The following CHCHD3 variants were observed in gnomAD, a reference collection of about 807,000 sequenced individuals.
CHCHD3 encodes the protein MICOS complex subunit MIC19.
Under a neutral mutation model 38.2 loss-of-function variants are expected in CHCHD3, and 20 were observed. The ratio of observed to expected loss-of-function variants is 0.52; its 90% CI spans 0.37 to 0.76. The LOEUF (loss-of-function observed/expected upper bound fraction) is 0.76, where lower values mean the gene tolerates loss of function less well. Ranked by LOEUF, CHCHD3 falls within the 30% of genes least tolerant of loss-of-function variation. The pLI, the probability that CHCHD3 is intolerant of heterozygous loss-of-function variation, is 0.00. For missense variants in CHCHD3, 245 were observed against 279.2 expected (o/e 0.88, Z 0.87); for synonymous variants, 82 against 100.0 (o/e 0.82, Z 1.07).
intron 2 of CHCHD3, among the ~76,000 whole-genome samples, chr7:133,027,497 G>C (rs1404078542): frequency 2.0e-5 from 3 of 151,904 alleles, no homozygotes; most frequent in Non-Finnish European, 2.9e-5. Context: ...ACTATACAGG[G>C]AATCAGGGAA....
chr7:133,066,412 G>A (rs149676167), intron 2 of CHCHD3, among the ~76,000 whole-genome samples: 4,631 of 152,068 alleles, frequency 0.03, 85 homozygotes, highest in Middle Eastern at 0.061. Flanking sequence ...GTGCCACCAC[G>A]CCCAGCTATT....
intron 4 of CHCHD3, among the ~76,000 whole-genome samples, chr7:132,918,798 T>C (rs1322222527): frequency 1.3e-5 from 2 of 152,196 alleles, no homozygotes; most frequent in African/African-American, 4.8e-5. Context: ...TAGAAACAGC[T>C]ACAGCTGACA....
chr7:132,947,686 A>G (rs1810931956), intron 4 of CHCHD3, among the ~76,000 whole-genome samples: 1 of 151,988 alleles, frequency 6.6e-6, no homozygotes. Flanking sequence ...ACATTTGATA[A>G]TGTTATAATA....
At chr7:132,920,335 A>G (rs62465282) in intron 4 of CHCHD3, among the ~76,000 whole-genome samples, 13 of 152,228 alleles carry the variant, frequency 8.5e-5, no homozygotes, top group Non-Finnish European at 1.5e-4. Flanking sequence ...CTTTACAGAA[A>G]AAGTTTGCTG....
At chr7:133,064,485 T>C (rs1291547266) in intron 2 of CHCHD3, among the ~76,000 whole-genome samples, 1 of 152,204 alleles carries the variant, frequency 6.6e-6, no homozygotes, top group Non-Finnish European at 1.5e-5. Context: ...TTATTTTCTC[T>C]GAACTCTCCC....
rs376477230 is a variant in CHCHD3, at chr7:132,963,374, A to G, written c.369+11795T>C. The stretch of plus-strand genomic sequence containing the variant: ...TTGCCAGGCACTGTGGCTCACGCCT[A>G]TAATCCCAGCACTTTGGGAGGCCAA... On this transcript the variant is annotated intron_variant, in intron 4 of 7. Transcript: ENST00000262570. Among the ~76,000 whole-genome samples the G allele has an allele frequency of 1.9e-3, 221 of 117,848 alleles. 2 individuals are homozygous for G. In the Middle Eastern group the frequency reaches 0.064, roughly 34 times the overall value. 77.3% of individuals were successfully genotyped at this position (117,848 alleles called of 152,430 possible).
chr7:132,845,713 G>A lies in CHCHD3; in HGVS notation c.454-7244C>T, dbSNP rs185035053. ...CTGTTCATGATTCTCAAACTGATTTGCTCATGGAGCATCTTGAGGGAAGAG... is the reference window on the plus strand; with the variant it reads ...CTGTTCATGATTCTCAAACTGATTTACTCATGGAGCATCTTGAGGGAAGAG... On this transcript the variant is annotated intron_variant, in intron 5 of 7. Coordinates refer to ENST00000262570, the MANE Select transcript of CHCHD3 (RefSeq NM_017812.4). 1.9e-3 allele frequency among the ~76,000 whole-genome samples: 286 copies of A among 152,288 alleles called. 2 individuals are homozygous for A. The highest frequency in any genetic ancestry group is 3.2e-3 in the Non-Finnish European group (220 of 68,022).
At chr7:132,787,356 G>C (rs1013058565) in intron 7 of CHCHD3, among the ~76,000 whole-genome samples, 7 of 152,110 alleles carry the variant, frequency 4.6e-5, no homozygotes, top group Non-Finnish European at 1.0e-4. Context: ...AGCCCAAGGA[G>C]GAGGCAGATT....
chr7:133,049,161 T>G (rs1814075716), intron 2 of CHCHD3, among the ~76,000 whole-genome samples: 2 of 152,192 alleles, frequency 1.3e-5, no homozygotes. Context: ...AATATTTTCT[T>G]CTGAAACACA....
Position 132,796,433 on chromosome 7 carries a change from C to T in CHCHD3, c.660+9G>A. 6.2e-7 allele frequency: 1 copy of T among 1,613,372 alleles called. No homozygotes were observed. Among genetic ancestry groups the T allele is most frequent in the African/African-American group, 1.3e-5 (1 of 75,004 alleles). Reference sequence around the variant, plus strand: ...CCAGTGCCCCCAGTGGCCTGGCTGGCACACCTACCTGTTTGGCATGATTGA... The same window carrying T: ...CCAGTGCCCCCAGTGGCCTGGCTGGTACACCTACCTGTTTGGCATGATTGA... On this transcript the variant is annotated intron_variant, in intron 7 of 7. Transcript: ENST00000262570.
At chr7:132,954,752 G>A (rs1221239230) in intron 4 of CHCHD3, among the ~76,000 whole-genome samples, 1 of 152,176 alleles carries the variant, frequency 6.6e-6, no homozygotes, top group Non-Finnish European at 1.5e-5. Flanking sequence ...GAGGGGCCAA[G>A]TAGAGCAGAT....
intron 5 of CHCHD3, among the ~76,000 whole-genome samples, chr7:132,852,476 C>T (rs568373118): frequency 2.1e-4 from 32 of 152,216 alleles, no homozygotes; most frequent in African/African-American, 6.7e-4. Context: ...TAAGGTCCAT[C>T]CTATTGACCG....
chr7:132,787,912 G>A (rs1461693553), intron 7 of CHCHD3, among the ~76,000 whole-genome samples: 1 of 152,116 alleles, frequency 6.6e-6, no homozygotes, highest in African/African-American at 2.4e-5. Flanking sequence ...GGGAAAACAG[G>A]AAAAACAAAG....
chr7:132,970,631 G>A (rs996342824), intron 4 of CHCHD3, among the ~76,000 whole-genome samples: 4 of 152,046 alleles, frequency 2.6e-5, no homozygotes, highest in African/African-American at 9.7e-5. Context: ...TTTATTCATA[G>A]ATCATTAGTA....
chr7:133,000,700 G>A (rs1002108292), intron 3 of CHCHD3, among the ~76,000 whole-genome samples: 7 of 151,948 alleles, frequency 4.6e-5, no homozygotes, highest in South Asian at 4.2e-4. Flanking sequence ...GAATCAGGCC[G>A]AATTAATTTT....
At chr7:132,949,484 T>G (rs893116815) in intron 4 of CHCHD3, among the ~76,000 whole-genome samples, 10 of 152,210 alleles carry the variant, frequency 6.6e-5, no homozygotes, top group African/African-American at 2.2e-4. Context: ...TGAGCCTATG[T>G]TTATTTGCCT....
At chr7:132,932,559 CGTCTCCCACTG>C (rs1810539196) in intron 4 of CHCHD3, among the ~76,000 whole-genome samples, 1 of 152,226 alleles carries the variant, frequency 6.6e-6, no homozygotes, top group Non-Finnish European at 1.5e-5. Context: ...CTGAGGCTGC[CGTCTCCCACTG>C]TTCCCCTTTA....
rs185248938 is a variant in CHCHD3 at position 133,007,085 on chromosome 7, A to G, written c.251+17461T>C. Among the ~76,000 whole-genome samples, 231 of 152,302 alleles carry G rather than the reference A, an allele frequency of 1.5e-3. 1 individual carries two copies. Among genetic ancestry groups the G allele is most frequent in the African/African-American group, 5.1e-3 (214 of 41,558 alleles). ...TTTGGCTGCATTTCTCTAATTTTCT[A>G]AACAGTGTGAGTTATTTTTGTAACT... On this transcript the variant is annotated intron_variant, in intron 3 of 7. Transcript: ENST00000262570.
At chr7:133,034,470 A>C in intron 2 of CHCHD3, 1 of 766,130 alleles carries the variant, frequency 1.3e-6, no homozygotes, top group Non-Finnish European at 2.0e-6. Flanking sequence ...AAATGCATCT[A>C]TAATTCTTTT....
Sources: allele counts gnomAD v4.1 joint callset (sites outside exome capture counted in the v4.1 genomes callset), GRCh38; gene constraint gnomAD v4.1.1; transcripts MANE v1.5; gene names NCBI Gene and HGNC (gene_info 2026-07-23, HGNC 2026-07-21).